The following BRSK1 variants were observed in gnomAD, a reference collection of about 807,000 sequenced individuals.
BRSK1 encodes the protein BR serine/threonine kinase 1, also known as serine/threonine-protein kinase BRSK1.
In BRSK1, 17 loss-of-function variants were observed where a neutral mutation model predicts 86.2. That is an observed-to-expected ratio of 0.20 (90% CI 0.14 to 0.30). The LOEUF is 0.30. Ranked by LOEUF, BRSK1 falls within the 10% of genes least tolerant of loss-of-function variation. The probability of loss-of-function intolerance (pLI) is 1.00; values close to 1 mark genes in which losing one functional copy is unlikely to be tolerated. For synonymous variants in BRSK1, 464 were observed against 440.1 expected (o/e 1.05, Z -0.68); for missense variants, 719 against 1,071.9 (o/e 0.67, Z 4.60).
At chr19:55,311,407 G>A (rs962648358) in intron 18 of BRSK1, among the ~76,000 whole-genome samples, 5 of 152,200 alleles carry the variant, frequency 3.3e-5, no homozygotes, top group African/African-American at 1.2e-4. Flanking sequence ...GGACCCAGGA[G>A]ACAGTGACCT....
chr19:55,297,513 A>C (rs1365382161), intron 7 of BRSK1, among the ~76,000 whole-genome samples: 1 of 152,168 alleles, frequency 6.6e-6, no homozygotes, highest in Non-Finnish European at 1.5e-5. Flanking sequence ...TCTCTTAACC[A>C]CCAGGCTACA....
chr19:55,291,609 A>G (rs555483257), intron 4 of BRSK1, among the ~76,000 whole-genome samples: 19 of 152,338 alleles, frequency 1.2e-4, no homozygotes, highest in African/African-American at 4.6e-4. Context: ...TTCAGGTACA[A>G]AATGAATGCC....
intron 1 of BRSK1, among the ~76,000 whole-genome samples, chr19:55,286,107 G>GA (rs1361656943): frequency 3.1e-5 from 4 of 130,800 alleles, no homozygotes; most frequent in East Asian, 2.3e-4. Context: ...TCTGAGGGAG[G>GA]AGGGGCTGGG....
At chr19:55,284,603 T>G in intron 1 of BRSK1, 25 bp downstream of exon 1, 1 of 1,142,130 alleles carries the variant, frequency 8.8e-7, no homozygotes, top group African/African-American at 1.7e-5. Context: ...AGGGGACACC[T>G]GGGGCGGGGG....
chr19:55,311,286 A>G (rs2088787903), intron 18 of BRSK1, among the ~76,000 whole-genome samples: 1 of 152,098 alleles, frequency 6.6e-6, no homozygotes, highest in South Asian at 2.1e-4. Flanking sequence ...TAAAAGAAAA[A>G]CGAGGTCTCC....
intron 7 of BRSK1, among the ~76,000 whole-genome samples, chr19:55,299,884 C>T (rs1205018239): frequency 6.6e-6 from 1 of 152,062 alleles, no homozygotes; most frequent in East Asian, 1.9e-4. Context: ...CCTCAGATAC[C>T]AGGGGCAACT....
chr19:55,301,992 G>A, intron 8 of BRSK1, 145 bp from the exon 9 acceptor site: 2 of 1,009,752 alleles, frequency 2.0e-6, no homozygotes, highest in Middle Eastern at 2.3e-4. Context: ...GTCGCCACTA[G>A]AGGGCGATGT....
Position 55,287,131 on chromosome 19 carries a change from G to A in BRSK1, c.231+30G>A. On this transcript the variant is annotated intron_variant, in intron 2 of 18. Transcript: ENST00000309383. The surrounding 1 kb of genome is among the most constrained non-coding windows in gnomAD (Gnocchi z 5.3). Reference sequence around the variant, plus strand: ...GTGCGCCTGCTGCAGTGTGCCTGCGGGTGGGGGGGCCTCCGGGGCTGAGGG... The same window carrying A: ...GTGCGCCTGCTGCAGTGTGCCTGCGAGTGGGGGGGCCTCCGGGGCTGAGGG... 1 of 1,612,810 alleles carries A rather than the reference G, an allele frequency of 6.2e-7. No individual in the cohort carries two copies. Among genetic ancestry groups the A allele is most frequent in the African/African-American group, 1.3e-5 (1 of 74,752 alleles).
Position 55,284,309 on chromosome 19 carries a change from C to A in BRSK1, c.-134C>A. On this transcript the variant is annotated 5_prime_UTR_variant, in exon 1 of 19. It adds an upstream start codon to the 5' untranslated region. Transcript: ENST00000309383. ...GACTGGGGGGGGCCAGCCCAGCCCC[C>A]TGGGGACCCCCGGAGAGGTGGGGGG... 1.3e-6 allele frequency: 1 copy of A among 758,260 alleles called. No individual in the cohort carries two copies. Among genetic ancestry groups the A allele is most frequent in the Non-Finnish European group, 1.8e-6 (1 of 556,540 alleles). The allele number at this position is 758,260 out of a possible 1,614,324, so 47.0% of individuals were successfully genotyped here. A position where few individuals can be genotyped will look rare whatever the true frequency, so the allele number is the denominator to read the frequency against.
rs2088609027 is a variant in BRSK1, at chr19:55,303,957, C to T, written c.1287-93C>T. 1 of 1,514,162 alleles carries T rather than the reference C, an allele frequency of 6.6e-7. No individual in the cohort carries two copies. The highest frequency in any genetic ancestry group is 1.4e-5 in the African/African-American group (1 of 71,688). 93.8% of individuals were successfully genotyped at this position (1,514,162 alleles called of 1,614,324 possible). A position where few individuals can be genotyped will look rare whatever the true frequency, so the allele number is the denominator to read the frequency against. On this transcript the variant is annotated intron_variant, in intron 12 of 18. Coordinates refer to ENST00000309383, the MANE Select transcript of BRSK1 (RefSeq NM_032430.2). This position sits in a 1 kb window ranked among gnomAD's most constrained non-coding sequence, Gnocchi z 5.1. ...ACCTCCCCTCTCTGGGCCTCATTTC[C>T]TCACCTGGAAGGACTGTAGAAGTGA...
At chr19:55,285,552 G>T (rs1441050811) in intron 1 of BRSK1, among the ~76,000 whole-genome samples, 1 of 152,170 alleles carries the variant, frequency 6.6e-6, no homozygotes, top group East Asian at 1.9e-4. Flanking sequence ...GACAGGGGCC[G>T]TGGGGCCTAA....
At position 55,294,257 on chromosome 19, in the gene BRSK1, G is replaced by A. The variant is rs745811034; in HGVS notation, c.609+10G>A. 6.2e-7 allele frequency: 1 copy of A among 1,614,132 alleles called. No individual in the cohort carries two copies. The highest frequency in any genetic ancestry group is 2.2e-5 in the East Asian group (1 of 44,872). ...TCCAGAGGTGATTAAGGTGAGTGAG[G>A]GGCGGATAGAGGGGAGAGGGGTGGA... is the stretch of plus-strand genomic sequence containing the variant. On this transcript the variant is annotated intron_variant, in intron 6 of 18. Coordinates refer to ENST00000309383, the MANE Select transcript of BRSK1 (RefSeq NM_032430.2). This position sits in a 1 kb window ranked among gnomAD's most constrained non-coding sequence, Gnocchi z 4.9.
intron 4 of BRSK1, 64 bp downstream of exon 4, chr19:55,289,684 C>T (rs919198423): frequency 3.0e-5 from 47 of 1,578,876 alleles, no homozygotes; most frequent in Admixed American, 2.6e-4. Flanking sequence ...CCCTTGGGGG[C>T]ATGTGGAGGG....
chr19:55,297,063 A>C (rs1177247410), intron 7 of BRSK1, among the ~76,000 whole-genome samples: 4 of 152,272 alleles, frequency 2.6e-5, no homozygotes, highest in Admixed American at 2.0e-4. Flanking sequence ...AAAAGAATAC[A>C]TAAGTTTTTT....
In BRSK1 at chr19:55,287,364, C is replaced by A; in HGVS notation, c.317+65C>A. 6.6e-7 allele frequency: 1 copy of A among 1,514,678 alleles called. No individual in the cohort carries two copies. Among genetic ancestry groups the A allele is most frequent in the Non-Finnish European group, 9.2e-7 (1 of 1,091,858 alleles). 93.8% of individuals were successfully genotyped at this position (1,514,678 alleles called of 1,614,324 possible). ...TCTCCAGGTTACCAGGGTGGGACTT[C>A]TCCAGAAACAGGGCCTAGGGGGACC... On this transcript the variant is annotated intron_variant, in intron 3 of 18. Transcript: ENST00000309383. This position sits in a 1 kb window ranked among gnomAD's most constrained non-coding sequence, Gnocchi z 5.3.
At position 55,302,129 on chromosome 19, in the gene BRSK1, C is replaced by G; in HGVS notation, c.826-8C>G. The stretch of plus-strand genomic sequence containing the variant: ...CTTCTGCTTCTCTACGACTCACCAC[C>G]CTCACAGCTGGAGCAAATTCAGAAA... On this transcript the variant is annotated splice_polypyrimidine_tract_variant and splice_region_variant and intron_variant, in intron 8 of 18. Coordinates refer to ENST00000309383, the MANE Select transcript of BRSK1 (RefSeq NM_032430.2). This position sits in a 1 kb window ranked among gnomAD's most constrained non-coding sequence, Gnocchi z 6.3. 6.2e-7 allele frequency: 1 copy of G among 1,614,182 alleles called. No homozygotes were observed. The highest frequency in any genetic ancestry group is 8.5e-7 in the Non-Finnish European group (1 of 1,180,022).
chr19:55,284,376 G>A lies in BRSK1; in HGVS notation c.-67G>A, dbSNP rs1290008456. 4 of 913,670 alleles carry A rather than the reference G, an allele frequency of 4.4e-6. No homozygotes were observed. Among genetic ancestry groups the A allele is most frequent in the African/African-American group, 3.1e-5 (1 of 32,204 alleles). The allele number at this position is 913,670 out of a possible 1,614,324, so 56.6% of individuals were successfully genotyped here. ...GACGGAGCGGTCGCCGGCCCCCACC[G>A]GAGAGACGGGGCGACGGCCGCAGGG... On this transcript the variant is annotated 5_prime_UTR_variant, in exon 1 of 19. Transcript: ENST00000309383.
Position 55,305,387 on chromosome 19 carries a change from G to C in BRSK1, c.1766+18G>C. 6.2e-7 allele frequency: 1 copy of C among 1,614,188 alleles called. No homozygotes were observed. Among genetic ancestry groups the C allele is most frequent in the Non-Finnish European group, 8.5e-7 (1 of 1,180,020 alleles). ...TCCCCGGAGTGAGTCTCACAGGGAA[G>C]GAAAGAGTGGGGATGCAGGGGATTC... On this transcript the variant is annotated intron_variant, in intron 15 of 18. Transcript: ENST00000309383.
In BRSK1 at chr19:55,305,309, T is replaced by A. The variant is rs61447045; in HGVS notation, c.1718-12T>A. The A allele has an allele frequency of 0.011, 16,979 of 1,613,710 alleles. 1,412 individuals carry two copies. In the African/African-American group the frequency reaches 0.19, roughly 18 times the overall value. On this transcript the variant is annotated splice_polypyrimidine_tract_variant and intron_variant, in intron 14 of 18. Transcript: ENST00000309383. ...CAGGTGTTGACCACGTTCTCTGCCT[T>A]CCCCCTACCAGTCCCTACCGCTGAG...
Sources: gnomAD v4.1 joint callset for allele counts (sites outside exome capture counted in the v4.1 genomes callset) on GRCh38, gnomAD v4.1.1 for gene constraint, Gnocchi (gnomAD v3.1) non-coding constraint, MANE v1.5 for transcripts, NCBI Gene and HGNC (gene_info 2026-07-23, HGNC 2026-07-21) for gene names.